The following AKR1C3 variants were observed in gnomAD, a reference collection of about 807,000 sequenced individuals.
AKR1C3 encodes aldo-keto reductase family 1 member C3.
In AKR1C3, 48 loss-of-function variants were observed where a neutral mutation model predicts 43.6. The ratio of observed to expected loss-of-function variants is 1.10; its 90% confidence interval spans 0.87 to 1.40. The LOEUF (loss-of-function observed/expected upper bound fraction) is 1.40, where lower values mean the gene tolerates loss of function less well. AKR1C3 is among the 40% of genes most tolerant of loss of function. The pLI is 0.00. For synonymous variants in AKR1C3, 162 were observed against 139.6 expected, an observed-to-expected ratio of 1.16 and a Z score of -1.13; for missense variants, 482 against 391.2, an observed-to-expected ratio of 1.23 and a Z score of -1.96.
intron 1 of AKR1C3, among the ~76,000 whole-genome samples, chr10:5,069,222 T>C (rs1187697970): frequency 1.2e-4 from 19 of 152,234 alleles, no homozygotes; most frequent in Non-Finnish European, 2.9e-5. Flanking sequence ...TTTGCAAGCA[T>C]GTCTGGTTTC....
chr10:5,051,601 A>G (rs1367080012), intron 1 of AKR1C3, among the ~76,000 whole-genome samples: 4 of 152,216 alleles, frequency 2.6e-5, no homozygotes, highest in Non-Finnish European at 4.4e-5. Flanking sequence ...ATTGCAGTTC[A>G]TATCACGCAT....
intron 1 of AKR1C3, among the ~76,000 whole-genome samples, chr10:5,079,875 A>T (rs1180078522): frequency 6.6e-6 from 1 of 152,200 alleles, no homozygotes; most frequent in African/African-American, 2.4e-5. Context: ...TTGTCAGTGT[A>T]TCTTATGTAA....
In AKR1C3 at chr10:5,063,764, G is replaced by GAAAAAAAAAAAAAAA. The variant is rs1406943359; in HGVS notation, c.84+14869_84+14870insAAAAAAAAAAAAAAA. Among the ~76,000 whole-genome samples the GAAAAAAAAAAAAAAA allele has an allele frequency of 1.0e-3, 34 of 33,432 alleles. 5 individuals are homozygous for GAAAAAAAAAAAAAAA. Among genetic ancestry groups the GAAAAAAAAAAAAAAA allele is most frequent in the East Asian group, 2.8e-3 (4 of 1,408 alleles). 21.9% of individuals were successfully genotyped at this position (33,432 alleles called of 152,430 possible). On this transcript the variant is annotated intron_variant, in intron 1 of 8. Transcript: ENST00000439082. ...GAGGACAGAGGTAGTCTCTGTCTCA[G>GAAAAAAAAAAAAAAA]CAAAAAAAAAAAAAAAAAAAAAAAA... is the stretch of plus-strand genomic sequence containing the variant.
At chr10:5,103,324 G>A (rs1477568071) in intron 7 of AKR1C3, among the ~76,000 whole-genome samples, 1 of 137,582 alleles carries the variant, frequency 7.3e-6, no homozygotes, top group African/African-American at 2.5e-5. Context: ...TTCTGTTTGT[G>A]TACTGCCTGT....
intron 4 of AKR1C3, 45 bp from the exon 5 acceptor site, chr10:5,099,282 G>A (rs781813283): frequency 5.0e-6 from 8 of 1,612,456 alleles, no homozygotes; most frequent in African/African-American, 1.3e-5. Flanking sequence ...ACCGTGATTT[G>A]CAGCCAACTG....
chr10:5,056,199 A>G (rs1838258051), intron 1 of AKR1C3, among the ~76,000 whole-genome samples: 1 of 152,176 alleles, frequency 6.6e-6, no homozygotes, highest in Admixed American at 6.5e-5. Context: ...CTGACCAAAC[A>G]GATGAGGGCT....
upstream of AKR1C3, among the ~76,000 whole-genome samples, chr10:5,090,358 G>C (rs72549133): frequency 6.6e-6 from 1 of 152,062 alleles, no homozygotes; most frequent in Non-Finnish European, 1.5e-5. Context: ...TCCACAACCT[G>C]GGTAGTCAGT....
At chr10:5,104,759 A>AT (rs1839456949) in intron 7 of AKR1C3, among the ~76,000 whole-genome samples, 1 of 152,170 alleles carries the variant, frequency 6.6e-6, no homozygotes, top group South Asian at 2.1e-4. Flanking sequence ...TTAATTTTAT[A>AT]ACATTCTCCA....
chr10:5,096,575 A>G lies in AKR1C3; in HGVS notation c.250A>G (p.Lys84Glu), dbSNP rs782464002. 5.0e-6 allele frequency: 8 copies of G among 1,613,076 alleles called. No homozygotes were observed. The highest frequency in any genetic ancestry group is 2.7e-5 in the African/African-American group (2 of 74,878). The change falls in exon 2 of 9, where the codon AAG becomes GAG. Residue 84 changes from lysine (K) to glutamate (E), a missense_variant and splice_region_variant. Coordinates refer to ENST00000380554, the MANE Select transcript of AKR1C3 (RefSeq NM_003739.6). ...VKREDIFYTS[K>E]LWSTFHRPEL... Reference sequence around the variant, plus strand: ...GAGAGAAGACATATTCTACACTTCAAAGGTACTGTGTCTATGATGAGCTTG... The same window carrying G: ...GAGAGAAGACATATTCTACACTTCAGAGGTACTGTGTCTATGATGAGCTTG...
At chr10:5,059,529 G>A (rs964968227) in intron 1 of AKR1C3, among the ~76,000 whole-genome samples, 3 of 152,172 alleles carry the variant, frequency 2.0e-5, no homozygotes, top group Non-Finnish European at 2.9e-5. Context: ...AAAAGCAGAA[G>A]CTGGTTATAG....
chr10:5,087,712 CTTTT>C (rs1293370713), intron 1 of AKR1C3, among the ~76,000 whole-genome samples: 2 of 151,106 alleles, frequency 1.3e-5, no homozygotes, highest in Non-Finnish European at 3.0e-5. Flanking sequence ...TTTGAATATT[CTTTT>C]TTTTTCTTTG....
intron 1 of AKR1C3, among the ~76,000 whole-genome samples, chr10:5,049,912 C>T (rs543942770): frequency 5.9e-5 from 9 of 152,318 alleles, no homozygotes; most frequent in African/African-American, 2.2e-4. Context: ...TCTCCTGACT[C>T]CATGGAACTT....
At chr10:5,066,508 A>T (rs553559648) in intron 1 of AKR1C3, among the ~76,000 whole-genome samples, 2 of 152,232 alleles carry the variant, frequency 1.3e-5, no homozygotes, top group East Asian at 3.9e-4. Context: ...AGACCAAATG[A>T]CATCCTAGTG....
At chr10:5,102,370 C>T (rs1839377997) in intron 6 of AKR1C3, 115 bp from the exon 7 acceptor site, 19 of 1,590,068 alleles carry the variant, frequency 1.2e-5, no homozygotes, top group Non-Finnish European at 1.6e-5. Flanking sequence ...TGGTGATGCT[C>T]GGGGGCCTCG....
rs1162727794 is a variant in AKR1C3 at position 5,102,225 on chromosome 10, G to A, written c.680+15G>A. The stretch of plus-strand genomic sequence containing the variant: ...GACAAACGATGGTAATAAAAACAAT[G>A]GGACCTTTACATAAACCTTCATTTT... On this transcript the variant is annotated intron_variant, in intron 6 of 8. Coordinates refer to ENST00000380554, the MANE Select transcript of AKR1C3 (RefSeq NM_003739.6). 7 of 1,603,904 alleles carry A rather than the reference G, an allele frequency of 4.4e-6. No homozygotes were observed. The highest frequency in any genetic ancestry group is 1.1e-5 in the South Asian group (1 of 90,636).
At chr10:5,048,939 C>T (rs1554778661) in intron 1 of AKR1C3, 12 of 1,530,662 alleles carry the variant, frequency 7.8e-6, no homozygotes, top group Non-Finnish European at 9.9e-6. Context: ...AAGAGCAAAG[C>T]CAGAATAAGT....
intron 3 of AKR1C3, 67 bp from the exon 4 acceptor site, chr10:5,098,735 C>A: frequency 1.5e-6 from 2 of 1,302,776 alleles, no homozygotes; most frequent in Non-Finnish European, 2.2e-6. Flanking sequence ...TTAAAGGTAC[C>A]TGGGGTTACA....
intron 1 of AKR1C3, among the ~76,000 whole-genome samples, chr10:5,053,686 C>T (rs371173165): frequency 1.3e-5 from 2 of 152,202 alleles, no homozygotes; most frequent in Non-Finnish European, 1.5e-5. Context: ...AACAGGACAC[C>T]CTAACTGCTG....
At chr10:5,083,687 C>T (rs1446676626) in intron 1 of AKR1C3, among the ~76,000 whole-genome samples, 6 of 152,146 alleles carry the variant, frequency 3.9e-5, no homozygotes, top group Admixed American at 3.9e-4. Flanking sequence ...AGTTTACAGT[C>T]CCACCAACAG....
Sources: gnomAD v4.1 joint callset for allele counts (sites outside exome capture counted in the v4.1 genomes callset) on GRCh38, gnomAD v4.1.1 for gene constraint, MANE v1.5 for transcripts, NCBI Gene and HGNC (gene_info 2026-07-23, HGNC 2026-07-21) for gene names.